The following FHIT variants were observed in gnomAD, a reference collection of about 807,000 sequenced individuals.
FHIT encodes bis(5'-adenosyl)-triphosphatase.
FHIT carries 19 observed loss-of-function variants against 17.9 expected under a neutral mutation model. That is an observed-to-expected ratio of 1.06 (90% CI 0.74 to 1.56). FHIT has a LOEUF of 1.56. Among genes scored for constraint, FHIT ranks in the 40% most tolerant of loss-of-function variants. The probability of loss-of-function intolerance (pLI) is 0.00; values close to 1 mark genes in which losing one functional copy is unlikely to be tolerated. For synonymous variants in FHIT, 81 were observed against 69.7 expected (o/e 1.16, Z -0.81); for missense variants, 248 against 189.2 (o/e 1.31, Z -1.82).
chr3:60,912,795 C>G (rs782442653), intron 3 of FHIT: 1 of 514,268 alleles, frequency 1.9e-6, no homozygotes. Flanking sequence ...CTTTGTCTTA[C>G]CATTTCTCTA....
chr3:60,668,189 C>CT (rs1245589492), intron 4 of FHIT, among the ~76,000 whole-genome samples: 7 of 151,466 alleles, frequency 4.6e-5, no homozygotes, highest in Non-Finnish European at 1.0e-4. Context: ...ATAGTTCATT[C>CT]TTTTTTTACG....
At chr3:60,257,526 A>G (rs1295932740) in intron 5 of FHIT, among the ~76,000 whole-genome samples, 1 of 152,122 alleles carries the variant, frequency 6.6e-6, no homozygotes, top group Non-Finnish European at 1.5e-5. Context: ...GTTCAACATA[A>G]TAGCTGCTGT....
intron 8 of FHIT, among the ~76,000 whole-genome samples, chr3:59,876,553 AAC>A (rs1476064776): frequency 3.3e-5 from 5 of 152,122 alleles, no homozygotes; most frequent in Non-Finnish European, 1.5e-5. Context: ...TAGGGCACAA[AAC>A]AGTCTTCAAG....
chr3:60,966,471 G>T (rs1318935716), intron 3 of FHIT, among the ~76,000 whole-genome samples: 4 of 152,190 alleles, frequency 2.6e-5, no homozygotes, highest in Non-Finnish European at 4.4e-5. Flanking sequence ...AGATGAACCG[G>T]GTACCTCAAT....
chr3:60,395,004 G>C (rs767973522), intron 5 of FHIT, among the ~76,000 whole-genome samples: 3 of 152,188 alleles, frequency 2.0e-5, no homozygotes, highest in African/African-American at 7.2e-5. Context: ...TCTGAAGCTA[G>C]ATGATACAAT....
At chr3:60,063,859 G>A (rs1702392268) in intron 5 of FHIT, among the ~76,000 whole-genome samples, 3 of 152,020 alleles carry the variant, frequency 2.0e-5, no homozygotes, top group South Asian at 2.1e-4. Context: ...TGGGTTAAAC[G>A]CGTTTTGATT....
chr3:60,605,488 G>T (rs909336165), intron 4 of FHIT, among the ~76,000 whole-genome samples: 1 of 152,180 alleles, frequency 6.6e-6, no homozygotes, highest in African/African-American at 2.4e-5. Flanking sequence ...GTCAGTTTCA[G>T]AAGGCACCAG....
intron 4 of FHIT, among the ~76,000 whole-genome samples, chr3:60,671,035 A>G (rs2040492084): frequency 2.0e-5 from 3 of 152,198 alleles, no homozygotes; most frequent in African/African-American, 4.8e-5. Flanking sequence ...CACTGTAGGC[A>G]TGAACCTGAA....
intron 8 of FHIT, among the ~76,000 whole-genome samples, chr3:59,884,520 G>C (rs550468645): frequency 2.0e-5 from 3 of 152,252 alleles, no homozygotes; most frequent in Admixed American, 2.0e-4. Flanking sequence ...GGAAACTAGA[G>C]GCTAAGACAT....
chr3:60,476,087 G>C (rs941164057), intron 5 of FHIT, among the ~76,000 whole-genome samples: 22 of 152,204 alleles, frequency 1.4e-4, no homozygotes, highest in Non-Finnish European at 4.4e-5. Flanking sequence ...TGAGATAGTA[G>C]AAAAACTGAT....
chr3:60,309,452 A>C (rs1219654377), intron 5 of FHIT, among the ~76,000 whole-genome samples: 1 of 152,164 alleles, frequency 6.6e-6, no homozygotes, highest in East Asian at 1.9e-4. Context: ...TACACTGCAG[A>C]ATGATTATGA....
chr3:59,888,731 G>T (rs916327511), intron 8 of FHIT, among the ~76,000 whole-genome samples: 5 of 152,252 alleles, frequency 3.3e-5, no homozygotes, highest in Middle Eastern at 3.4e-3. Flanking sequence ...CCTTTAGAAA[G>T]ACTCAGAGTT....
chr3:60,242,478 C>T (rs1400765483), intron 5 of FHIT, among the ~76,000 whole-genome samples: 1 of 151,982 alleles, frequency 6.6e-6, no homozygotes, highest in East Asian at 1.9e-4. Flanking sequence ...ATGTTTGCTT[C>T]TCCCCAATCC....
chr3:59,871,173 G>C (rs534896566), intron 8 of FHIT, among the ~76,000 whole-genome samples: 1 of 152,116 alleles, frequency 6.6e-6, no homozygotes, highest in African/African-American at 2.4e-5. Context: ...TTTGATACAG[G>C]GTAGCAAATA....
intron 2 of FHIT, among the ~76,000 whole-genome samples, chr3:61,050,626 G>A (rs757350933): frequency 3.3e-5 from 5 of 152,078 alleles, no homozygotes; most frequent in Non-Finnish European, 5.9e-5. Flanking sequence ...GCTTTAATGC[G>A]CTCAAGCAAA....
intron 5 of FHIT, among the ~76,000 whole-genome samples, chr3:60,393,359 C>T (rs1301823317): frequency 2.0e-5 from 3 of 150,636 alleles, no homozygotes; most frequent in African/African-American, 7.3e-5. Flanking sequence ...AAACTTTGTG[C>T]ACTAATTGAA....
At chr3:60,883,466 T>C (rs1013998946) in intron 3 of FHIT, among the ~76,000 whole-genome samples, 3 of 152,234 alleles carry the variant, frequency 2.0e-5, no homozygotes, top group Admixed American at 1.3e-4. Context: ...CTTTAAAATA[T>C]ACAAGAAAGT....
rs1370360976 is a variant in FHIT at position 60,752,330 on chromosome 3, A to G, written c.-18+69589T>C. On this transcript the variant is annotated intron_variant, in intron 4 of 9. Coordinates refer to ENST00000492590, the MANE Select transcript of FHIT (RefSeq NM_002012.4). ...TACTTTGCTTTTGCACTTATTTTTT[A>G]TTTCCCAACAGATAACACGTGAAAT... Among the ~76,000 whole-genome samples the G allele has an allele frequency of 4.6e-5, 7 of 152,268 alleles. No individual in the cohort carries two copies. In the East Asian group the frequency reaches 1.4e-3, roughly 29 times the overall value.
intron 3 of FHIT, among the ~76,000 whole-genome samples, chr3:61,022,242 A>G (rs1015800169): frequency 7.9e-5 from 12 of 152,364 alleles, no homozygotes; most frequent in East Asian, 1.9e-4. Context: ...TAGAAAATAT[A>G]GAAGAAATGG....
Sources: gnomAD v4.1 joint callset for allele counts (sites outside exome capture counted in the v4.1 genomes callset) on GRCh38, gnomAD v4.1.1 for gene constraint, MANE v1.5 for transcripts, NCBI Gene and HGNC (gene_info 2026-07-23, HGNC 2026-07-21) for gene names.